The following HERC2 variants were observed in gnomAD, a reference collection of about 807,000 sequenced individuals.
HERC2 encodes HECT and RLD domain containing E3 ubiquitin protein ligase 2, also known as E3 ubiquitin-protein ligase HERC2.
Under a neutral mutation model 537.7 loss-of-function variants are expected in HERC2, and 102 were observed. That is an observed-to-expected ratio of 0.19 (90% CI 0.16 to 0.22). HERC2 has a LOEUF of 0.22. Ranked by LOEUF, HERC2 falls within the 10% of genes least tolerant of loss-of-function variation. The probability of loss-of-function intolerance (pLI) is 1.00; values close to 1 mark genes in which losing one functional copy is unlikely to be tolerated. For missense variants in HERC2, 4,236 were observed against 6,198.2 expected, an observed-to-expected ratio of 0.68 and a Z score of 10.63; for synonymous variants, 2,224 against 2,466.2, an observed-to-expected ratio of 0.90 and a Z score of 2.91.
In HERC2 at chr15:28,256,370, C is replaced by T. The variant is rs1224732770; in HGVS notation, c.2518-53G>A. ...AGAACCCCTAAAAATGAGTGAATTTCAAAGTCTTATTAAACACTGAATAAA... is the reference window on the plus strand; with the variant it reads ...AGAACCCCTAAAAATGAGTGAATTTTAAAGTCTTATTAAACACTGAATAAA... On this transcript the variant is annotated intron_variant, in intron 17 of 92. Transcript: ENST00000261609. The T allele has an allele frequency of 3.3e-6, 4 of 1,201,778 alleles. No homozygotes were observed. The African/African-American group carries it at 4.5e-5, about 14-fold the overall frequency. 74.4% of individuals were successfully genotyped at this position (1,201,778 alleles called of 1,614,324 possible).
At chr15:28,191,423 T>C (rs1308234135) in intron 53 of HERC2, among the ~76,000 whole-genome samples, 179 bp from the exon 54 acceptor site, 1 of 152,198 alleles carries the variant, frequency 6.6e-6, no homozygotes, top group African/African-American at 2.4e-5. Flanking sequence ...ATTCTTTGAT[T>C]GTTAGAGAAA....
intron 15 of HERC2, among the ~76,000 whole-genome samples, chr15:28,261,461 G>A (rs747327955): frequency 6.6e-6 from 1 of 152,026 alleles, no homozygotes; most frequent in Non-Finnish European, 1.5e-5. Context: ...AATCTAACAT[G>A]GCCAACACAA....
Position 28,114,851 on chromosome 15 carries a change from C to T in HERC2, c.13723-49G>A, listed in dbSNP as rs144098545. 5.4e-5 allele frequency: 81 copies of T among 1,510,630 alleles called. No individual in the cohort carries two copies. The African/African-American group carries it at 9.1e-4, about 17-fold the overall frequency. The allele number at this position is 1,510,630 out of a possible 1,614,324, so 93.6% of individuals were successfully genotyped here. On this transcript the variant is annotated intron_variant, in intron 89 of 92. Transcript: ENST00000261609. The stretch of plus-strand genomic sequence containing the variant: ...CATGTGTCGACTCACGGCTCATCTC[C>T]ATCCCAGACTCCAGTCCACCCAGCA...
chr15:28,178,181 G>A (rs1895475240), intron 59 of HERC2, among the ~76,000 whole-genome samples: 1 of 151,950 alleles, frequency 6.6e-6, no homozygotes, highest in Non-Finnish European at 1.5e-5. Context: ...GCCCCCAGGA[G>A]ATGGTGACTG....
At position 28,268,658 on chromosome 15, in the gene HERC2, A is replaced by G; in HGVS notation, c.1447-42T>C. 6.4e-7 allele frequency: 1 copy of G among 1,561,768 alleles called. No individual in the cohort carries two copies. Among genetic ancestry groups the G allele is most frequent in the Non-Finnish European group, 8.7e-7 (1 of 1,145,028 alleles). ...ACGAAGAAAAGTAGTCATCAGTCCAAGGAAAATGAAACCAGCTCAGCTCTC... is the reference window on the plus strand; with the variant it reads ...ACGAAGAAAAGTAGTCATCAGTCCAGGGAAAATGAAACCAGCTCAGCTCTC... On this transcript the variant is annotated intron_variant, in intron 11 of 92. Coordinates refer to ENST00000261609, the MANE Select transcript of HERC2 (RefSeq NM_004667.6). The surrounding 1 kb of genome is among the most constrained non-coding windows in gnomAD (Gnocchi z 4.7).
At chr15:28,183,751 T>C (rs1462211436) in intron 56 of HERC2, among the ~76,000 whole-genome samples, 2 of 152,204 alleles carry the variant, frequency 1.3e-5, no homozygotes, top group Non-Finnish European at 2.9e-5. Flanking sequence ...TCACACATTA[T>C]ATACTAATAA....
intron 37 of HERC2, 86 bp from the exon 38 acceptor site, chr15:28,218,757 A>G: frequency 1.7e-6 from 2 of 1,171,500 alleles, no homozygotes; most frequent in South Asian, 2.5e-5. Flanking sequence ...CTTTAATATT[A>G]CATTCTTGTT....
In HERC2 at chr15:28,292,984, G is replaced by C. The variant is rs1384612175; in HGVS notation, c.226C>G (p.Leu76Val). The change falls in exon 4 of 93, where the codon CTG becomes GTG. Residue 76 changes from leucine to valine, a missense_variant. Around this residue, in one of 27 missense-constraint regions of HERC2, gnomAD observed 491 missense variants for 559.3 expected, o/e 0.88. Transcript: ENST00000261609. ...TCATCTTTTTTCTCTTTGTCATTCA[G>C]ATCTTCTTTCTTTGTTCCACTTGGT... ...VEPSGTKKED[L>V]NDKEKKDEEE... is the part of the protein sequence containing the mutation. The C allele has an allele frequency of 6.2e-7, 1 of 1,611,074 alleles. No individual in the cohort carries two copies. Among genetic ancestry groups the C allele is most frequent in the Admixed American group, 1.7e-5 (1 of 59,864 alleles).
At chr15:28,290,463 C>T (rs572029790) in intron 4 of HERC2, among the ~76,000 whole-genome samples, 42 of 152,114 alleles carry the variant, frequency 2.8e-4, no homozygotes, top group Non-Finnish European at 5.1e-4. Flanking sequence ...CTCCTGACCT[C>T]AAGTAATCCA....
intron 75 of HERC2, 96 bp from the exon 76 acceptor site, chr15:28,142,489 G>C (rs1891325408): frequency 7.8e-7 from 1 of 1,281,462 alleles, no homozygotes; most frequent in Non-Finnish European, 1.1e-6. Context: ...TCCTATTCCA[G>C]GATGACGGCC....
chr15:28,310,854 G>A (rs2076922436), intron 2 of HERC2, among the ~76,000 whole-genome samples: 1 of 152,014 alleles, frequency 6.6e-6, no homozygotes, highest in African/African-American at 2.4e-5. Context: ...GAAGCGGGTG[G>A]ATCATGAAGT....
At chr15:28,289,330 A>G (rs1279728855) in intron 4 of HERC2, among the ~76,000 whole-genome samples, 1 of 152,062 alleles carries the variant, frequency 6.6e-6, no homozygotes, top group African/African-American at 2.4e-5. Flanking sequence ...TTCACAACAA[A>G]GAATGTCACT....
chr15:28,116,739 C>T lies in HERC2; in HGVS notation c.13535G>A (p.Gly4512Glu). 1 of 1,613,966 alleles carries T rather than the reference C, an allele frequency of 6.2e-7. No homozygotes were observed. Among genetic ancestry groups the T allele is most frequent in the Non-Finnish European group, 8.5e-7 (1 of 1,180,018 alleles). ...IVTPNGRDES[G>E]ANRDCYLLSP... ...GAGCAGGTAGCAGTCTCGGTTGGCC[C>T]CAGACTCATCCCTCCCGTTGGGTGT... Residue 4512 changes from glycine (G) to glutamate (E), a missense_variant, in exon 88 of 93, where the codon GGG (glycine) becomes GAG (glutamate). Physicochemically the swap from Gly to Glu is moderately conservative, Grantham distance 98. This residue lies in a region of HERC2 where 313 missense variants were observed against 462.6 expected (regional missense o/e 0.68). Coordinates refer to ENST00000261609, the MANE Select transcript of HERC2 (RefSeq NM_004667.6).
At chr15:28,132,623 C>T in intron 80 of HERC2, 30 bp downstream of exon 80, 1 of 1,414,572 alleles carries the variant, frequency 7.1e-7, no homozygotes, top group Non-Finnish European at 9.3e-7. Flanking sequence ...AGCATGCAGC[C>T]TCCGGCCTCT....
At chr15:28,273,324 A>C (rs1228949822) in intron 7 of HERC2, among the ~76,000 whole-genome samples, 2 of 152,240 alleles carry the variant, frequency 1.3e-5, no homozygotes, top group East Asian at 1.9e-4. Flanking sequence ...TATCTTTTCC[A>C]GTTTCAATGA....
chr15:28,157,220 C>T (rs1044722018), intron 69 of HERC2, among the ~76,000 whole-genome samples: 4 of 152,134 alleles, frequency 2.6e-5, no homozygotes, highest in African/African-American at 9.7e-5. Context: ...TTTGTTGTGT[C>T]TCTGCCAGGC....
In HERC2 at chr15:28,299,860, T is replaced by C. The variant is rs576340443; in HGVS notation, c.73-344A>G. Among the ~76,000 whole-genome samples the C allele has an allele frequency of 8.7e-4, 133 of 152,108 alleles. No homozygotes were observed. The East Asian group carries it at 0.019, about 22-fold the overall frequency. On this transcript the variant is annotated intron_variant, in intron 2 of 92. Transcript: ENST00000261609. ...GGGGATCAGGAATTTGAGACCAGCCTGGCCAACACGGTGAAACCCCGTCCC... is the reference window on the plus strand; with the variant it reads ...GGGGATCAGGAATTTGAGACCAGCCCGGCCAACACGGTGAAACCCCGTCCC...
chr15:28,216,423 G>C (rs946398192), intron 38 of HERC2, among the ~76,000 whole-genome samples: 7 of 150,736 alleles, frequency 4.6e-5, no homozygotes, highest in Admixed American at 4.6e-4. Flanking sequence ...TCTAGCACCA[G>C]TGGGCCCACC....
intron 68 of HERC2, among the ~76,000 whole-genome samples, chr15:28,166,587 G>T (rs942976958): frequency 6.6e-6 from 1 of 152,208 alleles, no homozygotes; most frequent in African/African-American, 2.4e-5. Context: ...ATTCCAGGCA[G>T]GGGGAGGGTA....
Sources: gnomAD v4.1 joint callset for allele counts (sites outside exome capture counted in the v4.1 genomes callset) on GRCh38, gnomAD v4.1.1 for gene constraint, gnomAD v4.1.1 regional missense constraint, Gnocchi (gnomAD v3.1) non-coding constraint, MANE v1.5 for transcripts, NCBI Gene and HGNC (gene_info 2026-07-23, HGNC 2026-07-21) for gene names.